Variants in EXOC2 observed in about 807,000 individuals in gnomAD.
EXOC2 encodes the protein SEC5-like 1.
Under a neutral mutation model 131.8 loss-of-function variants are expected in EXOC2, and 70 were observed. The observed-to-expected ratio is 0.53, with a 90% CI of 0.44 to 0.65. EXOC2 has a LOEUF of 0.65. Among genes scored for constraint, EXOC2 ranks in the 30% least tolerant of loss-of-function variants. EXOC2 has a pLI of 0.00. For synonymous variants in EXOC2, 411 were observed against 398.4 expected (o/e 1.03, Z -0.38); for missense variants, 923 against 1,108.6 (o/e 0.83, Z 2.38).
rs111888127 is a variant in EXOC2, at chr6:690,437, G to A, written c.-44+2582C>T. Among the ~76,000 whole-genome samples the A allele has an allele frequency of 5.8e-3, 877 of 152,282 alleles. 3 individuals are homozygous for A. The highest frequency in any genetic ancestry group is 0.017 in the African/African-American group (724 of 41,538). On this transcript the variant is annotated intron_variant, in intron 1 of 27. Coordinates refer to ENST00000230449, the MANE Select transcript of EXOC2 (RefSeq NM_018303.6). The stretch of plus-strand genomic sequence containing the variant: ...AAGATTCATAATTTCCCGGCCCGGC[G>A]CAGGGGTTCACGCCTGTAATCCCAG...
intron 23 of EXOC2, among the ~76,000 whole-genome samples, chr6:508,120 C>T (rs901985807): frequency 6.6e-6 from 1 of 152,144 alleles, no homozygotes; most frequent in Non-Finnish European, 1.5e-5. Flanking sequence ...TAATCTATAA[C>T]AATTTTTTAA....
At chr6:655,794 C>T (rs921996875) in intron 1 of EXOC2, 2 of 232,618 alleles carry the variant, frequency 8.6e-6, no homozygotes, top group African/African-American at 4.6e-5. Flanking sequence ...AATACTGATG[C>T]AATTGTTTCA....
At chr6:630,319 C>T (rs777401645) in intron 3 of EXOC2, among the ~76,000 whole-genome samples, 19 of 152,074 alleles carry the variant, frequency 1.2e-4, no homozygotes, top group South Asian at 1.2e-3. Context: ...TAAATCTGCA[C>T]AAAAAATTCA....
At chr6:549,892 T>C (rs1393981337) in intron 21 of EXOC2, among the ~76,000 whole-genome samples, 1 of 152,194 alleles carries the variant, frequency 6.6e-6, no homozygotes, top group Non-Finnish European at 1.5e-5. Context: ...GACTCCACCT[T>C]AGGACACGGT....
chr6:676,227 G>C (rs879106963), intron 1 of EXOC2, among the ~76,000 whole-genome samples: 1 of 70,446 alleles, frequency 1.4e-5, no homozygotes, highest in African/African-American at 4.9e-5. Flanking sequence ...GAAAGGACAG[G>C]TTCCTCTGGA....
chr6:690,608 C>T (rs1033470242), intron 1 of EXOC2, among the ~76,000 whole-genome samples: 2 of 152,112 alleles, frequency 1.3e-5, no homozygotes, highest in East Asian at 3.9e-4. Flanking sequence ...GAGGCTGAGG[C>T]GGCAGAATGG....
intron 23 of EXOC2, among the ~76,000 whole-genome samples, chr6:521,685 C>G (rs1311686464): frequency 6.6e-6 from 1 of 152,066 alleles, no homozygotes; most frequent in Admixed American, 6.5e-5. Flanking sequence ...TGCCACCATG[C>G]CCAGCTAATT....
chr6:648,773 G>A lies in EXOC2; in HGVS notation c.-43-10912C>T, dbSNP rs916405264. On this transcript the variant is annotated intron_variant, in intron 1 of 27. Coordinates refer to ENST00000230449, the MANE Select transcript of EXOC2 (RefSeq NM_018303.6). ...GTATCACTCTGTCAACCAGGCTGGA[G>A]AGCAGTAGCGTGACCACGGCTCACT... is the stretch of plus-strand genomic sequence containing the variant. 2.1e-5 allele frequency among the ~76,000 whole-genome samples: 3 copies of A among 145,214 alleles called. No individual in the cohort carries two copies. In the East Asian group the frequency reaches 6.1e-4, roughly 29 times the overall value.
intron 1 of EXOC2, among the ~76,000 whole-genome samples, chr6:673,151 A>C (rs1051572881): frequency 6.6e-6 from 1 of 150,674 alleles, no homozygotes; most frequent in Non-Finnish European, 1.5e-5. Flanking sequence ...GATACCGGCT[A>C]CTCATGAGGC....
At chr6:538,581 G>A (rs1365588269) in intron 22 of EXOC2, among the ~76,000 whole-genome samples, 4 of 151,418 alleles carry the variant, frequency 2.6e-5, no homozygotes, top group Admixed American at 2.6e-4. Flanking sequence ...TGAGGGTCCA[G>A]TGGCCTTTTA....
intron 27 of EXOC2, among the ~76,000 whole-genome samples, chr6:487,653 C>CCT (rs1236309328): frequency 2.0e-5 from 3 of 152,184 alleles, no homozygotes; most frequent in Non-Finnish European, 2.9e-5. Context: ...GATCCGCCCA[C>CCT]CTCAGCCTCC....
chr6:635,303 G>A (rs941821420), intron 2 of EXOC2, among the ~76,000 whole-genome samples: 1 of 152,242 alleles, frequency 6.6e-6, no homozygotes, highest in Non-Finnish European at 1.5e-5. Context: ...AAACCTGAAT[G>A]ATATGCATGG....
At chr6:650,004 T>C (rs1336782052) in intron 1 of EXOC2, among the ~76,000 whole-genome samples, 4 of 152,234 alleles carry the variant, frequency 2.6e-5, no homozygotes, top group Non-Finnish European at 5.9e-5. Flanking sequence ...AATTATCATT[T>C]TGTGTGGCAA....
rs1453673115 is a variant in EXOC2 at position 555,230 on chromosome 6, G to A, written c.2051C>T (p.Thr684Ile). The change falls in exon 20 of 28, where the codon ACA becomes ATA. Residue 684 changes from threonine to isoleucine, a missense_variant. Transcript: ENST00000230449. The stretch of plus-strand genomic sequence containing the variant: ...GATTAATTTAATTTTTACTTACTGT[G>A]TAGTATCTATATCTGCATCAGGCTT... ...STKPDADIDTTHLSVDVSSPD... is the reference protein window; with the variant it reads ...STKPDADIDTIHLSVDVSSPD... 2 of 1,494,736 alleles carry A rather than the reference G, an allele frequency of 1.3e-6. No individual in the cohort carries two copies. The highest frequency in any genetic ancestry group is 1.8e-6 in the Non-Finnish European group (2 of 1,104,056). 92.6% of individuals were successfully genotyped at this position (1,494,736 alleles called of 1,614,324 possible). A position where few individuals can be genotyped will look rare whatever the true frequency, so the allele number is the denominator to read the frequency against.
At position 644,185 on chromosome 6, in the gene EXOC2, AG is replaced by A. The variant is rs565045781; in HGVS notation, c.-43-6325del. Among the ~76,000 whole-genome samples, 62 of 152,256 alleles carry A rather than the reference AG, an allele frequency of 4.1e-4. 1 individual carries two copies. The highest frequency in any genetic ancestry group is 3.4e-3 in the Middle Eastern group (1 of 294). On this transcript the variant is annotated intron_variant, in intron 1 of 27. Coordinates refer to ENST00000230449, the MANE Select transcript of EXOC2 (RefSeq NM_018303.6). ...AAGTAGGGTTTATTCCAACCAAGCA[AG>A]GCCAGTTTTTCAGACATCAATCACT...
intron 22 of EXOC2, among the ~76,000 whole-genome samples, chr6:542,378 C>T (rs1267751055): frequency 2.6e-5 from 4 of 152,176 alleles, no homozygotes; most frequent in Admixed American, 1.3e-4. Context: ...GTTCTAGTGC[C>T]GAGAACAAGG....
At chr6:627,941 T>A (rs1157477740) in intron 4 of EXOC2, among the ~76,000 whole-genome samples, 1 of 152,262 alleles carries the variant, frequency 6.6e-6, no homozygotes, top group African/African-American at 2.4e-5. Flanking sequence ...GTACATAATG[T>A]TATTTTAAAA....
In EXOC2 at chr6:562,723, G is replaced by A. The variant is rs554314587; in HGVS notation, c.1851+61C>T. On this transcript the variant is annotated intron_variant, in intron 17 of 27. Coordinates refer to ENST00000230449, the MANE Select transcript of EXOC2 (RefSeq NM_018303.6). ...TGGAGCACATGCTCCCTATTAATAT[G>A]ATAAACTATTTATTTTAAATACACA... 1.4e-5 allele frequency: 17 copies of A among 1,197,908 alleles called. 1 individual carries two copies. In the Admixed American group the frequency reaches 3.6e-4, roughly 26 times the overall value. 74.2% of individuals were successfully genotyped at this position (1,197,908 alleles called of 1,614,324 possible). A position where few individuals can be genotyped will look rare whatever the true frequency, so the allele number is the denominator to read the frequency against.
chr6:514,449 G>A (rs1321847754), intron 23 of EXOC2, among the ~76,000 whole-genome samples: 1 of 152,180 alleles, frequency 6.6e-6, no homozygotes, highest in African/African-American at 2.4e-5. Flanking sequence ...GACCTCAAGA[G>A]TAGAAAACAG....
Sources: allele counts gnomAD v4.1 joint callset (sites outside exome capture counted in the v4.1 genomes callset), GRCh38; gene constraint gnomAD v4.1.1; transcripts MANE v1.5; gene names NCBI Gene and HGNC (gene_info 2026-07-23, HGNC 2026-07-21).